Variants in TMEM107 observed in about 807,000 individuals in gnomAD.
TMEM107 encodes transmembrane protein 107.
In TMEM107, 18 loss-of-function variants were observed where a neutral mutation model predicts 16.8. That is an observed-to-expected ratio of 1.07 (90% confidence interval 0.74 to 1.59). TMEM107 has a LOEUF of 1.59. TMEM107 is among the 40% of genes most tolerant of loss of function. The pLI, the probability that TMEM107 is intolerant of heterozygous loss-of-function variation, is 0.00. For missense variants in TMEM107, 152 were observed against 175.4 expected, an observed-to-expected ratio of 0.87 and a Z score of 0.75; for synonymous variants, 68 against 71.6, an observed-to-expected ratio of 0.95 and a Z score of 0.25.
Position 8,173,928 on chromosome 17 carries a change from C to T in TMEM107, c.*275G>A, listed in dbSNP as rs114389756. 7.9e-6 allele frequency: 4 copies of T among 504,682 alleles called. No homozygotes were observed. Among genetic ancestry groups the T allele is most frequent in the Non-Finnish European group, 1.4e-5 (4 of 284,338 alleles). 31.3% of individuals were successfully genotyped at this position (504,682 alleles called of 1,614,324 possible). A position where few individuals can be genotyped will look rare whatever the true frequency, so the allele number is the denominator to read the frequency against. The stretch of plus-strand genomic sequence containing the variant: ...TCTTACGGTCTGCAGGACTAGAAAA[C>T]AGCGTTGTTTTTTTTTTATTCAGTA... On this transcript the variant is annotated 3_prime_UTR_variant, in exon 5 of 5. Transcript: ENST00000437139.
Position 8,173,551 on chromosome 17 carries a change from CGGA to C in TMEM107, c.*649_*651del, listed in dbSNP as rs1555525628. On this transcript the variant is annotated 3_prime_UTR_variant, in exon 5 of 5. Coordinates refer to ENST00000437139, the MANE Select transcript of TMEM107 (RefSeq NM_183065.4). ...AATCATCATGTTCTAATCTGCCCTC[CGGA>C]GGAGGAACAGGTAAGGATTATCCCA... The C allele has an allele frequency of 1.3e-6, 1 of 765,140 alleles. No homozygotes were observed. The highest frequency in any genetic ancestry group is 2.4e-5 in the East Asian group (1 of 41,252). The allele number at this position is 765,140 out of a possible 1,614,324, so 47.4% of individuals were successfully genotyped here.
chr17:8,173,438 G>A lies in TMEM107; in HGVS notation c.*765C>T, dbSNP rs369933470. The A allele has an allele frequency of 1.4e-4, 103 of 761,100 alleles. 1 individual carries two copies. The highest frequency in any genetic ancestry group is 5.8e-4 in the Admixed American group (34 of 58,810). The allele number at this position is 761,100 out of a possible 1,614,324, so 47.1% of individuals were successfully genotyped here. On this transcript the variant is annotated 3_prime_UTR_variant, in exon 5 of 5. Coordinates refer to ENST00000437139, the MANE Select transcript of TMEM107 (RefSeq NM_183065.4). ...GCTAATCAGCATAACACAAATGTAA[G>A]TGATCGTCAGAAAGAATCAGACAGG... is the stretch of plus-strand genomic sequence containing the variant.
Position 8,173,112 on chromosome 17 carries a change from G to A in TMEM107, c.*1091C>T, listed in dbSNP as rs1983679653. ...CCTACCTCAAGGAAAAAGAAATACAGTTCCTATTGAATACCATCCTGAGGG... is the reference window on the plus strand; with the variant it reads ...CCTACCTCAAGGAAAAAGAAATACAATTCCTATTGAATACCATCCTGAGGG... On this transcript the variant is annotated 3_prime_UTR_variant, in exon 5 of 5. Coordinates refer to ENST00000437139, the MANE Select transcript of TMEM107 (RefSeq NM_183065.4). The A allele has an allele frequency of 4.4e-6, 1 of 225,632 alleles. No individual in the cohort carries two copies. Among genetic ancestry groups the A allele is most frequent in the Middle Eastern group, 1.6e-3 (1 of 630 alleles). 14.0% of individuals were successfully genotyped at this position (225,632 alleles called of 1,614,324 possible).
In TMEM107 at chr17:8,173,561, A is replaced by T. The variant is rs764953239; in HGVS notation, c.*642T>A. 8 of 765,270 alleles carry T rather than the reference A, an allele frequency of 1.0e-5. No individual in the cohort carries two copies. The highest frequency in any genetic ancestry group is 2.2e-4 in the Middle Eastern group (1 of 4,456). The allele number at this position is 765,270 out of a possible 1,614,324, so 47.4% of individuals were successfully genotyped here. On this transcript the variant is annotated 3_prime_UTR_variant, in exon 5 of 5. Coordinates refer to ENST00000437139, the MANE Select transcript of TMEM107 (RefSeq NM_183065.4). ...TTCTAATCTGCCCTCCGGAGGAGGA[A>T]CAGGTAAGGATTATCCCACCTGACG...
rs77558339 is a variant in TMEM107, at chr17:8,173,553, G to A, written c.*650C>T. ...TCATCATGTTCTAATCTGCCCTCCGGAGGAGGAACAGGTAAGGATTATCCC... is the reference window on the plus strand; with the variant it reads ...TCATCATGTTCTAATCTGCCCTCCGAAGGAGGAACAGGTAAGGATTATCCC... On this transcript the variant is annotated 3_prime_UTR_variant, in exon 5 of 5. Transcript: ENST00000437139. 42,309 of 765,226 alleles carry A rather than the reference G, an allele frequency of 0.055. 1,699 individuals carry two copies. Among genetic ancestry groups the A allele is most frequent in the South Asian group, 0.14 (10,137 of 74,592 alleles). 47.4% of individuals were successfully genotyped at this position (765,226 alleles called of 1,614,324 possible). A position where few individuals can be genotyped will look rare whatever the true frequency, so the allele number is the denominator to read the frequency against.
Position 8,172,876 on chromosome 17 carries a change from C to CAAAA in TMEM107, c.*1326_*1327insTTTT, listed in dbSNP as rs1491219497. ...GTCTCAAAAAAAAAAAAAAAAAAAA[C>CAAAA]CAAAAGAGGGGGGTGGTCAACATAC... On this transcript the variant is annotated 3_prime_UTR_variant, in exon 5 of 5. Coordinates refer to ENST00000437139, the MANE Select transcript of TMEM107 (RefSeq NM_183065.4). Among the ~76,000 whole-genome samples, 8 of 109,894 alleles carry CAAAA rather than the reference C, an allele frequency of 7.3e-5. No individual in the cohort carries two copies. The highest frequency in any genetic ancestry group is 1.1e-4 in the Non-Finnish European group (6 of 55,866). The allele number at this position is 109,894 out of a possible 152,430, so 72.1% of individuals were successfully genotyped here.
rs1225842907 is a variant in TMEM107, at chr17:8,173,284, T to C, written c.*919A>G. 1.5e-5 allele frequency: 8 copies of C among 531,460 alleles called. No individual in the cohort carries two copies. Among genetic ancestry groups the C allele is most frequent in the East Asian group, 2.9e-5 (1 of 34,610 alleles). The allele number at this position is 531,460 out of a possible 1,614,324, so 32.9% of individuals were successfully genotyped here. A position where few individuals can be genotyped will look rare whatever the true frequency, so the allele number is the denominator to read the frequency against. ...ATTCCAGAAAGCAACAAAAACCAAATCACAATTTTCAAGAACAAACAAATT... is the reference window on the plus strand; with the variant it reads ...ATTCCAGAAAGCAACAAAAACCAAACCACAATTTTCAAGAACAAACAAATT... On this transcript the variant is annotated 3_prime_UTR_variant, in exon 5 of 5. Coordinates refer to ENST00000437139, the MANE Select transcript of TMEM107 (RefSeq NM_183065.4).
In TMEM107 at chr17:8,173,753, C is replaced by A. The variant is rs1433351091; in HGVS notation, c.*450G>T. Reference sequence around the variant, plus strand: ...TTAAATTTTTTTTTCATTCGGCTGCCGAAAAGGAATAAATTACTTCTTCCC... The same window carrying A: ...TTAAATTTTTTTTTCATTCGGCTGCAGAAAAGGAATAAATTACTTCTTCCC... On this transcript the variant is annotated 3_prime_UTR_variant, in exon 5 of 5. Transcript: ENST00000437139. 2 of 550,630 alleles carry A rather than the reference C, an allele frequency of 3.6e-6. No individual in the cohort carries two copies. Among genetic ancestry groups the A allele is most frequent in the East Asian group, 5.9e-5 (2 of 33,790 alleles). 34.1% of individuals were successfully genotyped at this position (550,630 alleles called of 1,614,324 possible).
In TMEM107 at chr17:8,173,369, A is replaced by T. The variant is rs1435680017; in HGVS notation, c.*834T>A. 3 of 645,820 alleles carry T rather than the reference A, an allele frequency of 4.6e-6. No homozygotes were observed. The highest frequency in any genetic ancestry group is 4.2e-5 in the Admixed American group (2 of 48,158). 40.0% of individuals were successfully genotyped at this position (645,820 alleles called of 1,614,324 possible). On this transcript the variant is annotated 3_prime_UTR_variant, in exon 5 of 5. Transcript: ENST00000437139. ...AAGACTGCAAAATAGACAAACAGCA[A>T]GGTTATCCCAGTCAGAACTTCATAG...
intron 4 of TMEM107, 82 bp downstream of exon 4, chr17:8,174,438 G>C: frequency 6.9e-7 from 1 of 1,440,324 alleles, no homozygotes; most frequent in Admixed American, 1.7e-5. Context: ...CACACATGGA[G>C]GAAAGGGCTG....
In TMEM107 at chr17:8,174,105, C is replaced by T; in HGVS notation, c.*98G>A. 1.9e-6 allele frequency: 2 copies of T among 1,040,376 alleles called. No homozygotes were observed. Among genetic ancestry groups the T allele is most frequent in the South Asian group, 1.3e-5 (1 of 77,262 alleles). 64.4% of individuals were successfully genotyped at this position (1,040,376 alleles called of 1,614,324 possible). A position where few individuals can be genotyped will look rare whatever the true frequency, so the allele number is the denominator to read the frequency against. ...CATATCCTCCAGCAGAAGCAGTTTC[C>T]GAGGGGAAAACCGAAGCCTATGCCT... On this transcript the variant is annotated 3_prime_UTR_variant, in exon 5 of 5. Coordinates refer to ENST00000437139, the MANE Select transcript of TMEM107 (RefSeq NM_183065.4).
chr17:8,175,824 G>A lies in TMEM107; in HGVS notation c.189C>T (p.Leu63=). ...GGAAACCGGCCAGCTCCACTGCAAA[G>A]AGGCCCAGGGTGACAGAGAGCGCGG... The part of the protein sequence containing the change: ...LVAALSVTLG[L]FAVELAGFLS... Residue 63 remains leucine, a synonymous_variant, in exon 3 of 5, where the codon CTC becomes CTT. Transcript: ENST00000437139. The A allele has an allele frequency of 1.2e-6, 2 of 1,614,200 alleles. No individual in the cohort carries two copies. Among genetic ancestry groups the A allele is most frequent in the Non-Finnish European group, 1.7e-6 (2 of 1,180,044 alleles).
chr17:8,175,137 C>T (rs1984022503), intron 3 of TMEM107: 1 of 190,170 alleles, frequency 5.3e-6, no homozygotes, highest in African/African-American at 2.4e-5. Flanking sequence ...ACGATCTCAG[C>T]TCACTGCAAC....
At chr17:8,174,666 T>C (rs1203714757) in intron 3 of TMEM107, 50 bp from the exon 4 acceptor site, 2 of 1,557,732 alleles carry the variant, frequency 1.3e-6, no homozygotes, top group Admixed American at 3.3e-5. Flanking sequence ...CAGACAGTGA[T>C]GGGTCAGAAA....
chr17:8,173,330 C>A lies in TMEM107; in HGVS notation c.*873G>T. 2 of 551,394 alleles carry A rather than the reference C, an allele frequency of 3.6e-6. No homozygotes were observed. The highest frequency in any genetic ancestry group is 2.9e-5 in the East Asian group (1 of 34,884). 34.2% of individuals were successfully genotyped at this position (551,394 alleles called of 1,614,324 possible). On this transcript the variant is annotated 3_prime_UTR_variant, in exon 5 of 5. Coordinates refer to ENST00000437139, the MANE Select transcript of TMEM107 (RefSeq NM_183065.4). Reference sequence around the variant, plus strand: ...AAATTTAGCAAGACTGCAAAATAGACAAACAGCAATAGCAAGACTGCAAAA... The same window carrying A: ...AAATTTAGCAAGACTGCAAAATAGAAAAACAGCAATAGCAAGACTGCAAAA...
rs148801759 is a variant in TMEM107, at chr17:8,173,474, G to T, written c.*729C>A. On this transcript the variant is annotated 3_prime_UTR_variant, in exon 5 of 5. Coordinates refer to ENST00000437139, the MANE Select transcript of TMEM107 (RefSeq NM_183065.4). ...AAAGAATCAGACAGGAGCAATCAGGGTGTTGCAAGTCCTGATTACGCAGAG... is the reference window on the plus strand; with the variant it reads ...AAAGAATCAGACAGGAGCAATCAGGTTGTTGCAAGTCCTGATTACGCAGAG... The T allele has an allele frequency of 3.3e-5, 25 of 764,534 alleles. No homozygotes were observed. Among genetic ancestry groups the T allele is most frequent in the South Asian group, 3.0e-4 (22 of 74,552 alleles). 47.4% of individuals were successfully genotyped at this position (764,534 alleles called of 1,614,324 possible). A position where few individuals can be genotyped will look rare whatever the true frequency, so the allele number is the denominator to read the frequency against.
intron 3 of TMEM107, 141 bp downstream of exon 3, chr17:8,175,616 G>A: frequency 1.2e-6 from 1 of 849,504 alleles, no homozygotes; most frequent in Non-Finnish European, 2.0e-6. Context: ...TAAGTGCCTA[G>A]TAAACAGCAG....
intron 3 of TMEM107, 34 bp from the exon 4 acceptor site, chr17:8,174,650 G>A: frequency 6.3e-7 from 1 of 1,593,784 alleles, no homozygotes; most frequent in Non-Finnish European, 8.6e-7. Context: ...AAAGTCTTTG[G>A]ATCGACAGAC....
At position 8,172,954 on chromosome 17, in the gene TMEM107, G is replaced by A. The variant is rs8067609; in HGVS notation, c.*1249C>T. ...GTCTGAAAAGTGACTCTGGATTTGGGAAGAAGTCATTGGTGATGATGAGTT... is the reference window on the plus strand; with the variant it reads ...GTCTGAAAAGTGACTCTGGATTTGGAAAGAAGTCATTGGTGATGATGAGTT... On this transcript the variant is annotated 3_prime_UTR_variant, in exon 5 of 5. Transcript: ENST00000437139. Among the ~76,000 whole-genome samples the A allele has an allele frequency of 2.6e-5, 4 of 151,844 alleles. No homozygotes were observed. Among genetic ancestry groups the A allele is most frequent in the Non-Finnish European group, 5.9e-5 (4 of 67,976 alleles).
Sources: gnomAD v4.1 joint callset for allele counts (sites outside exome capture counted in the v4.1 genomes callset) on GRCh38, gnomAD v4.1.1 for gene constraint, MANE v1.5 for transcripts, NCBI Gene and HGNC (gene_info 2026-07-23, HGNC 2026-07-21) for gene names.